FGF14: variants seen among roughly 807,000 people sequenced by gnomAD.
The protein encoded by FGF14 is fibroblast growth factor homologous factor 4.
In FGF14, 5 loss-of-function variants were observed where a neutral mutation model predicts 25.5. The observed-to-expected ratio is 0.20, with a 90% confidence interval of 0.10 to 0.41. FGF14 has a LOEUF of 0.41. Among genes scored for constraint, FGF14 ranks in the 10% least tolerant of loss-of-function variants. The pLI is 1.00. For synonymous variants in FGF14, 138 were observed against 118.3 expected, an observed-to-expected ratio of 1.17 and a Z score of -1.08; for missense variants, 222 against 320.1, an observed-to-expected ratio of 0.69 and a Z score of 2.34.
chr13:102,222,281 A>G (rs1482561304), intron 1 of FGF14, among the ~76,000 whole-genome samples: 1 of 152,118 alleles, frequency 6.6e-6, no homozygotes, highest in Admixed American at 6.5e-5. Flanking sequence ...TATACATGCC[A>G]TTTCCCCTAA....
At position 101,824,048 on chromosome 13, in the gene FGF14, A is replaced by C. The variant is rs142828149; in HGVS notation, c.408+44677T>G. 3.9e-5 allele frequency among the ~76,000 whole-genome samples: 6 copies of C among 152,200 alleles called. No homozygotes were observed. The East Asian group carries it at 7.7e-4, about 20-fold the overall frequency. Reference sequence around the variant, plus strand: ...ACAATTTCCTAATAGTATACCTTGTAGTGAGTTGCTAGTGAAGAATTCACT... The same window carrying C: ...ACAATTTCCTAATAGTATACCTTGTCGTGAGTTGCTAGTGAAGAATTCACT... On this transcript the variant is annotated intron_variant, in intron 3 of 4. Transcript: ENST00000376143.
chr13:101,894,146 T>C (rs2030245632), intron 1 of FGF14, among the ~76,000 whole-genome samples: 1 of 152,196 alleles, frequency 6.6e-6, no homozygotes, highest in East Asian at 1.9e-4. Context: ...GGTGATTTCA[T>C]ATACCTTAAC....
At chr13:102,007,305 G>C (rs2039856880) in intron 1 of FGF14, among the ~76,000 whole-genome samples, 1 of 152,144 alleles carries the variant, frequency 6.6e-6, no homozygotes, top group African/African-American at 2.4e-5. Flanking sequence ...GGTCTAAACT[G>C]AATATAATGC....
At chr13:102,148,852 T>C (rs2046962715) in intron 1 of FGF14, among the ~76,000 whole-genome samples, 2 of 151,964 alleles carry the variant, frequency 1.3e-5, no homozygotes, top group Admixed American at 1.3e-4. Context: ...TCCACACTCA[T>C]TGGTTATCTG....
At chr13:101,774,842 C>T (rs573197539) in intron 3 of FGF14, among the ~76,000 whole-genome samples, 1 of 151,932 alleles carries the variant, frequency 6.6e-6, no homozygotes, top group Non-Finnish European at 1.5e-5. Flanking sequence ...CACATGAGGT[C>T]AGGAGTTCAA....
intron 1 of FGF14, among the ~76,000 whole-genome samples, chr13:102,116,588 A>T (rs962305457): frequency 6.6e-6 from 1 of 152,144 alleles, no homozygotes; most frequent in African/African-American, 2.4e-5. Flanking sequence ...ATCTTGTATG[A>T]TTTGATTTAT....
chr13:102,313,047 C>G (rs866557916), intron 1 of FGF14, among the ~76,000 whole-genome samples: 3 of 152,204 alleles, frequency 2.0e-5, no homozygotes, highest in African/African-American at 7.2e-5. Flanking sequence ...GCCATAGGAG[C>G]AGACATTTAG....
At chr13:102,204,486 A>T (rs1331688495) in intron 1 of FGF14, among the ~76,000 whole-genome samples, 1 of 152,176 alleles carries the variant, frequency 6.6e-6, no homozygotes, top group Non-Finnish European at 1.5e-5. Context: ...GCCCATATAT[A>T]TGGTTGGTGC....
chr13:101,901,265 A>T (rs561518594), intron 1 of FGF14, among the ~76,000 whole-genome samples: 1 of 152,204 alleles, frequency 6.6e-6, no homozygotes, highest in Non-Finnish European at 1.5e-5. Flanking sequence ...GGATGGGAGA[A>T]GATGAACTAA....
chr13:101,785,377 A>C (rs2039749461), intron 3 of FGF14, among the ~76,000 whole-genome samples: 1 of 150,294 alleles, frequency 6.7e-6, no homozygotes, highest in Non-Finnish European at 1.5e-5. Flanking sequence ...CCAAACCAAA[A>C]CAAAGCAAAA....
Position 101,916,464 on chromosome 13 carries a change from A to C in FGF14, c.182T>G (p.Leu61Trp). Residue 61 changes from leucine to tryptophan, a missense_variant, in exon 1 of 5, where the codon TTG (leucine) becomes TGG (tryptophan). Leu to Trp is a moderately conservative substitution (Grantham distance 61). Transcript: ENST00000376143. The stretch of plus-strand genomic sequence containing the variant: ...TGACCCCCACAGACCTTGGCGCCGC[A>C]ACCTGCGCTTCTTGAGGCCGAAGAT... ...VRIFGLKKRR[L>W]RRQDPQLKGI... 6.2e-7 allele frequency: 1 copy of C among 1,613,926 alleles called. No homozygotes were observed.
At chr13:101,923,858 C>G (rs1420188033) in intron 1 of FGF14, among the ~76,000 whole-genome samples, 3 of 151,974 alleles carry the variant, frequency 2.0e-5, no homozygotes, top group Admixed American at 6.6e-5. Flanking sequence ...ACATTCTTTC[C>G]TATAGAAGCA....
At chr13:101,738,402 G>A (rs1244895084) in intron 3 of FGF14, among the ~76,000 whole-genome samples, 1 of 152,160 alleles carries the variant, frequency 6.6e-6, no homozygotes, top group Non-Finnish European at 1.5e-5. Flanking sequence ...GGAATACAAA[G>A]GAAGCCCACA....
At chr13:101,870,567 T>G (rs1354100830) in intron 2 of FGF14, among the ~76,000 whole-genome samples, 1 of 152,216 alleles carries the variant, frequency 6.6e-6, no homozygotes, top group African/African-American at 2.4e-5. Flanking sequence ...CAAAATGATG[T>G]GGTTATGGGA....
chr13:102,043,393 T>C (rs925031172), intron 1 of FGF14, among the ~76,000 whole-genome samples: 1 of 152,156 alleles, frequency 6.6e-6, no homozygotes, highest in Non-Finnish European at 1.5e-5. Flanking sequence ...GTTTAACAAC[T>C]GTCAAACAAC....
intron 1 of FGF14, among the ~76,000 whole-genome samples, chr13:102,158,129 T>C (rs1345745695): frequency 1.3e-5 from 2 of 152,198 alleles, no homozygotes; most frequent in Non-Finnish European, 2.9e-5. Context: ...CTCAGGGATC[T>C]AGAACTAGAA....
intron 3 of FGF14, among the ~76,000 whole-genome samples, chr13:101,781,025 G>A (rs902663297): frequency 6.6e-6 from 1 of 152,024 alleles, no homozygotes; most frequent in African/African-American, 2.4e-5. Flanking sequence ...TGATCCTCGC[G>A]CTTGCTACTC....
At chr13:102,397,121 G>A (rs929474282) in intron 1 of FGF14, among the ~76,000 whole-genome samples, 8 of 152,100 alleles carry the variant, frequency 5.3e-5, no homozygotes, top group Admixed American at 2.6e-4. Context: ...AGGATGAGTC[G>A]GTAGGCTGAG....
rs903558836 is a variant in FGF14, at chr13:101,711,837, G to C, written c.*10994C>G. ...GGGTCCTTATATTGAGAAAGAAAAT[G>C]AATGGATTAGTGGTGCTGTGGTGAT... On this transcript the variant is annotated 3_prime_UTR_variant, in exon 5 of 5. Transcript: ENST00000376143. 4 of 152,210 alleles carry C rather than the reference G, an allele frequency of 2.6e-5. No individual in the cohort carries two copies. The highest frequency in any genetic ancestry group is 9.6e-5 in the African/African-American group (4 of 41,464). The allele number at this position is 152,210 out of a possible 1,614,324, so 9.4% of individuals were successfully genotyped here.
Sources: allele counts gnomAD v4.1 joint callset (sites outside exome capture counted in the v4.1 genomes callset), GRCh38; gene constraint gnomAD v4.1.1; transcripts MANE v1.5; gene names NCBI Gene and HGNC (gene_info 2026-07-23, HGNC 2026-07-21).